The following GALNTL6 variants were observed in gnomAD, a reference collection of about 807,000 sequenced individuals.
The protein encoded by GALNTL6 is polypeptide N-acetylgalactosaminyltransferase-like 6.
GALNTL6 carries 46 observed loss-of-function variants against 73.7 expected under a neutral mutation model. The ratio of observed to expected loss-of-function variants is 0.62; its 90% CI spans 0.49 to 0.80. The LOEUF is 0.80. GALNTL6 is among the 30% of genes least tolerant of loss of function. The pLI is 0.00. For missense variants in GALNTL6, 604 were observed against 755.0 expected, an observed-to-expected ratio of 0.80 and a Z score of 2.34; for synonymous variants, 259 against 263.7, an observed-to-expected ratio of 0.98 and a Z score of 0.17.
intron 10 of GALNTL6, among the ~76,000 whole-genome samples, chr4:172,996,745 C>CCCCT (rs964335070): frequency 1.6e-4 from 25 of 152,254 alleles, no homozygotes; most frequent in African/African-American, 6.0e-4. Flanking sequence ...GAGTGATGTA[C>CCCCT]CCCTGGCTGT....
At chr4:172,335,511 G>A (rs1270161344) in intron 4 of GALNTL6, among the ~76,000 whole-genome samples, 11 of 152,144 alleles carry the variant, frequency 7.2e-5, no homozygotes. Context: ...AATAGTTTTA[G>A]TAGAATTGGT....
chr4:172,832,342 G>A (rs1354929535), intron 7 of GALNTL6, among the ~76,000 whole-genome samples: 1 of 152,124 alleles, frequency 6.6e-6, no homozygotes. Flanking sequence ...CAGAAAGTAC[G>A]CGGTTCCACC....
At chr4:171,856,549 A>G (rs1578915225) in intron 2 of GALNTL6, among the ~76,000 whole-genome samples, 2 of 152,148 alleles carry the variant, frequency 1.3e-5, no homozygotes, top group Non-Finnish European at 2.9e-5. Context: ...GGTTTTGAAT[A>G]TTATATTTAG....
intron 2 of GALNTL6, among the ~76,000 whole-genome samples, chr4:171,969,758 C>T (rs1739503519): frequency 7.1e-6 from 1 of 140,476 alleles, no homozygotes. Context: ...ATGATAACAA[C>T]TCCAAACCAC....
intron 5 of GALNTL6, among the ~76,000 whole-genome samples, chr4:172,475,983 A>G (rs1031036405): frequency 1.3e-5 from 2 of 152,236 alleles, no homozygotes; most frequent in African/African-American, 4.8e-5. Flanking sequence ...TAATTTTTTT[A>G]GTGAATTAAA....
rs79777325 is a variant in GALNTL6 at position 173,039,950 on chromosome 4, T to C, written c.1656T>C (p.His552=). 1,844 of 1,613,696 alleles carry C rather than the reference T, an allele frequency of 1.1e-3. 22 individuals carry two copies. In the African/African-American group the frequency reaches 0.021, roughly 18 times the overall value. ...WGYRKDRTLF[H]PVSNSCMDCN... ...TCCTCCAGGACAGAACATTATTCCA[T>C]CCTGTGAGCAACAGCTGCATGGATT... Residue 552 remains histidine, a synonymous_variant, in exon 13 of 13, where the codon CAT becomes CAC. Transcript: ENST00000506823.
At chr4:171,838,665 T>G (rs922275234) in intron 2 of GALNTL6, among the ~76,000 whole-genome samples, 1 of 152,122 alleles carries the variant, frequency 6.6e-6, no homozygotes, top group Non-Finnish European at 1.5e-5. Flanking sequence ...CTTTTTCATA[T>G]CTCCGTTGAG....
intron 4 of GALNTL6, among the ~76,000 whole-genome samples, chr4:172,313,067 T>A (rs1740416685): frequency 6.6e-6 from 1 of 152,118 alleles, no homozygotes; most frequent in South Asian, 2.1e-4. Flanking sequence ...AGTTGCATTG[T>A]TGGCATAATA....
chr4:172,296,090 A>G (rs911626934), intron 3 of GALNTL6, among the ~76,000 whole-genome samples: 1 of 152,114 alleles, frequency 6.6e-6, no homozygotes, highest in African/African-American at 2.4e-5. Flanking sequence ...TCAATGATAT[A>G]TGACATTTGC....
intron 4 of GALNTL6, among the ~76,000 whole-genome samples, chr4:172,347,889 G>GA (rs1561038689): frequency 6.6e-6 from 1 of 152,020 alleles, no homozygotes; most frequent in Non-Finnish European, 1.5e-5. Context: ...TTCCAACAAT[G>GA]AAAAAAATGA....
At chr4:172,050,027 C>T (rs1730799020) in intron 2 of GALNTL6, among the ~76,000 whole-genome samples, 1 of 151,704 alleles carries the variant, frequency 6.6e-6, no homozygotes. Flanking sequence ...AATGCAGGCT[C>T]TGTGGAGTAA....
At chr4:172,870,285 T>C (rs1283016099) in intron 7 of GALNTL6, among the ~76,000 whole-genome samples, 1 of 152,116 alleles carries the variant, frequency 6.6e-6, no homozygotes, top group Non-Finnish European at 1.5e-5. Context: ...CAGACAGATT[T>C]TGAAAGCCTG....
intron 2 of GALNTL6, among the ~76,000 whole-genome samples, chr4:172,072,052 C>T (rs1409503527): frequency 6.6e-6 from 1 of 152,088 alleles, no homozygotes. Context: ...GGCTGGCTCC[C>T]GGGCTCTTTA....
chr4:171,895,994 A>G (rs1475383207), intron 2 of GALNTL6, among the ~76,000 whole-genome samples: 1 of 152,154 alleles, frequency 6.6e-6, no homozygotes, highest in African/African-American at 2.4e-5. Flanking sequence ...ACCTCAAAAT[A>G]GATCAACAGA....
chr4:172,263,970 C>T (rs1738345076), intron 3 of GALNTL6, among the ~76,000 whole-genome samples: 3 of 151,410 alleles, frequency 2.0e-5, no homozygotes, highest in Admixed American at 6.6e-5. Flanking sequence ...ATATATATGT[C>T]TCCAGATGTA....
chr4:172,943,063 G>A (rs1333072840), intron 9 of GALNTL6, among the ~76,000 whole-genome samples: 1 of 151,576 alleles, frequency 6.6e-6, no homozygotes, highest in Non-Finnish European at 1.5e-5. Flanking sequence ...CATGAAAATT[G>A]GCAACCATAC....
At chr4:171,856,404 C>G (rs555226467) in intron 2 of GALNTL6, among the ~76,000 whole-genome samples, 2 of 151,998 alleles carry the variant, frequency 1.3e-5, no homozygotes, top group Non-Finnish European at 2.9e-5. Context: ...TGTGAGCCAC[C>G]CCACCCTGCT....
chr4:172,123,887 C>T (rs1733221329), intron 2 of GALNTL6, among the ~76,000 whole-genome samples: 2 of 152,102 alleles, frequency 1.3e-5, no homozygotes, highest in South Asian at 4.1e-4. Flanking sequence ...TCAAATTGGT[C>T]AGGTTCATCA....
chr4:172,262,203 T>G (rs1172085587), intron 3 of GALNTL6, among the ~76,000 whole-genome samples: 1 of 151,392 alleles, frequency 6.6e-6, no homozygotes, highest in African/African-American at 2.4e-5. Context: ...CTTTCTGTTT[T>G]GATTACCTGT....
Sources: allele counts gnomAD v4.1 joint callset (sites outside exome capture counted in the v4.1 genomes callset), GRCh38; gene constraint gnomAD v4.1.1; transcripts MANE v1.5; gene names NCBI Gene and HGNC (gene_info 2026-07-23, HGNC 2026-07-21).